The following PCSK5 variants were observed in gnomAD, a reference collection of about 807,000 sequenced individuals.
PCSK5 encodes prohormone convertase 5.
PCSK5 carries 129 observed loss-of-function variants against 233.2 expected under a neutral mutation model. The ratio of observed to expected loss-of-function variants is 0.55; its 90% confidence interval spans 0.48 to 0.64. The LOEUF is 0.64. Among genes scored for constraint, PCSK5 ranks in the 30% least tolerant of loss-of-function variants. PCSK5 has a pLI of 0.00. For synonymous variants in PCSK5, 825 were observed against 879.2 expected (o/e 0.94, Z 1.09); for missense variants, 2,076 against 2,430.1 (o/e 0.85, Z 3.06).
rs141990724 is a variant in PCSK5, at chr9:76,232,605, T to G, written c.2730-855T>G. On this transcript the variant is annotated intron_variant, in intron 21 of 37. Transcript: ENST00000674117. Reference sequence around the variant, plus strand: ...CTGGGTGTGCAGCCCCCAGCTCACTTCATCGATTCATATTACCTATCTGAC... The same window carrying G: ...CTGGGTGTGCAGCCCCCAGCTCACTGCATCGATTCATATTACCTATCTGAC... Among the ~76,000 whole-genome samples, 703 of 152,280 alleles carry G rather than the reference T, an allele frequency of 4.6e-3. 1 individual carries two copies. The highest frequency in any genetic ancestry group is 8.4e-3 in the Non-Finnish European group (569 of 68,022).
At chr9:76,323,020 G>C (rs769051903) in intron 31 of PCSK5, 32 bp from the exon 32 acceptor site, 1 of 1,229,600 alleles carries the variant, frequency 8.1e-7, no homozygotes, top group Admixed American at 2.0e-5. Context: ...CCTACCCCCC[G>C]GGGATAACTT....
At chr9:76,034,392 C>T (rs887900389) in intron 5 of PCSK5, among the ~76,000 whole-genome samples, 27 of 152,114 alleles carry the variant, frequency 1.8e-4, no homozygotes, top group African/African-American at 6.5e-4. Flanking sequence ...ATTTCTGAAC[C>T]AAAATAAGAA....
intron 2 of PCSK5, among the ~76,000 whole-genome samples, chr9:75,972,275 A>G (rs1825842801): frequency 6.6e-6 from 1 of 152,168 alleles, no homozygotes; most frequent in South Asian, 2.1e-4. Flanking sequence ...TGTTTTGGTT[A>G]CTGTAGCCTT....
chr9:76,260,833 TTAAC>T (rs1172568509), intron 24 of PCSK5, among the ~76,000 whole-genome samples: 2 of 152,208 alleles, frequency 1.3e-5, no homozygotes, highest in East Asian at 1.9e-4. Context: ...AGAAAACTAT[TTAAC>T]TATTACATTT....
chr9:76,122,667 G>A (rs1832687317), intron 9 of PCSK5, among the ~76,000 whole-genome samples: 1 of 151,510 alleles, frequency 6.6e-6, no homozygotes, highest in African/African-American at 2.4e-5. Flanking sequence ...GATCTGTGAA[G>A]TCTTAAAAAA....
intron 10 of PCSK5, among the ~76,000 whole-genome samples, chr9:76,135,831 T>G (rs1358740705): frequency 6.6e-6 from 1 of 152,072 alleles, no homozygotes; most frequent in Non-Finnish European, 1.5e-5. Context: ...CTGAAGAAAC[T>G]TTAACCCGAA....
At chr9:76,099,469 T>G (rs1831669763) in intron 8 of PCSK5, among the ~76,000 whole-genome samples, 1 of 152,170 alleles carries the variant, frequency 6.6e-6, no homozygotes, top group African/African-American at 2.4e-5. Context: ...CCTGGGAGGT[T>G]AGGGTGTTTT....
intron 14 of PCSK5, chr9:76,175,468 C>T: frequency 5.1e-6 from 2 of 388,676 alleles, no homozygotes; most frequent in Non-Finnish European, 9.1e-6. Flanking sequence ...TGCGATTGTA[C>T]CATAATATAG....
chr9:76,221,868 C>A (rs1825737026), intron 20 of PCSK5, among the ~76,000 whole-genome samples: 1 of 152,150 alleles, frequency 6.6e-6, no homozygotes, highest in African/African-American at 2.4e-5. Context: ...CCCCACAGAT[C>A]AATGTCAGTG....
At chr9:76,236,217 C>CCTTTCTT (rs1177021320) in intron 22 of PCSK5, among the ~76,000 whole-genome samples, 24 of 152,318 alleles carry the variant, frequency 1.6e-4, no homozygotes, top group Admixed American at 9.1e-4. Context: ...AATCCCTGCA[C>CCTTTCTT]CTTTCTTTTA....
intron 28 of PCSK5, among the ~76,000 whole-genome samples, chr9:76,302,774 T>C (rs1405414795): frequency 6.6e-6 from 1 of 152,098 alleles, no homozygotes; most frequent in Non-Finnish European, 1.5e-5. Context: ...ACAGCTTGTA[T>C]GAAAAAGGGT....
intron 10 of PCSK5, 58 bp downstream of exon 10, chr9:76,134,270 T>A: frequency 9.3e-7 from 1 of 1,076,228 alleles, no homozygotes; most frequent in African/African-American, 1.6e-5. Flanking sequence ...TCCCCCATTT[T>A]AAATGGAGAG....
chr9:76,002,086 T>A (rs962212392), intron 3 of PCSK5, among the ~76,000 whole-genome samples: 2 of 152,240 alleles, frequency 1.3e-5, no homozygotes, highest in Non-Finnish European at 2.9e-5. Flanking sequence ...ATTTTATTCA[T>A]TCAACAACAT....
chr9:76,311,448 C>A (rs999546830), intron 30 of PCSK5, among the ~76,000 whole-genome samples: 1 of 151,816 alleles, frequency 6.6e-6, no homozygotes, highest in African/African-American at 2.4e-5. Context: ...GTGATGTGCA[C>A]CTCTTCTAAA....
intron 6 of PCSK5, 149 bp from the exon 7 acceptor site, chr9:76,071,577 G>C: frequency 1.5e-6 from 1 of 663,000 alleles, no homozygotes; most frequent in Non-Finnish European, 2.5e-6. Flanking sequence ...TGCCTGCAAA[G>C]TATACATTAT....
At chr9:76,182,269 A>C (rs1366893187) in intron 16 of PCSK5, among the ~76,000 whole-genome samples, 1 of 152,214 alleles carries the variant, frequency 6.6e-6, no homozygotes, top group Non-Finnish European at 1.5e-5. Flanking sequence ...AATAGACACC[A>C]GGCCTGTATG....
chr9:76,084,197 CAAAG>C (rs925680213), intron 7 of PCSK5, among the ~76,000 whole-genome samples: 1 of 152,098 alleles, frequency 6.6e-6, no homozygotes, highest in Non-Finnish European at 1.5e-5. Flanking sequence ...ATTTTGGAAA[CAAAG>C]AAATGTGTGT....
chr9:75,891,067 A>G lies in PCSK5; in HGVS notation c.-115A>G, dbSNP rs991531989. On this transcript the variant is annotated 5_prime_UTR_variant, in exon 1 of 38. Coordinates refer to ENST00000674117, the MANE Select transcript of PCSK5 (RefSeq NM_001372043.1). ...CTCCTGCCGATCGCCCGGGGCTGCG[A>G]GCTGCGGCGGCCCGGGGCTGCTCGC... is the stretch of plus-strand genomic sequence containing the variant. 2 of 977,378 alleles carry G rather than the reference A, an allele frequency of 2.0e-6. No homozygotes were observed. The highest frequency in any genetic ancestry group is 3.5e-5 in the African/African-American group (2 of 57,566). The allele number at this position is 977,378 out of a possible 1,614,324, so 60.5% of individuals were successfully genotyped here.
chr9:76,318,048 G>A (rs952673623), intron 30 of PCSK5, among the ~76,000 whole-genome samples: 5 of 152,188 alleles, frequency 3.3e-5, no homozygotes, highest in African/African-American at 1.2e-4. Context: ...AGGTACCTAT[G>A]ACATCAGAAG....
Sources: gnomAD v4.1 joint callset for allele counts (sites outside exome capture counted in the v4.1 genomes callset) on GRCh38, gnomAD v4.1.1 for gene constraint, MANE v1.5 for transcripts, NCBI Gene and HGNC (gene_info 2026-07-23, HGNC 2026-07-21) for gene names.